ANK3: variants seen among roughly 807,000 people sequenced by gnomAD.
ANK3 encodes the protein ankyrin-3.
In ANK3, 57 loss-of-function variants were observed where a neutral mutation model predicts 370.9. That is an observed-to-expected ratio of 0.15 (90% CI 0.12 to 0.19). The LOEUF (loss-of-function observed/expected upper bound fraction) is 0.19. Ranked by LOEUF, ANK3 falls within the 10% of genes least tolerant of loss-of-function variation. The probability of loss-of-function intolerance (pLI) is 1.00; values close to 1 mark genes in which losing one functional copy is unlikely to be tolerated. For missense variants in ANK3, 4,439 were observed against 5,302.1 expected (o/e 0.84, Z 5.06); for synonymous variants, 1,929 against 1,946.3 (o/e 0.99, Z 0.23).
intron 42 of ANK3, among the ~76,000 whole-genome samples, chr10:60,052,019 G>A (rs2078142335): frequency 6.6e-6 from 1 of 151,804 alleles, no homozygotes; most frequent in African/African-American, 2.4e-5. Flanking sequence ...ATGAAATTTT[G>A]GTCAAATTTG....
rs376356885 is a variant in ANK3, at chr10:60,079,225, A to ACACACACC, written c.4432+1311_4432+1312insGGTGTGTG. Among the ~76,000 whole-genome samples, 461 of 142,652 alleles carry ACACACACC rather than the reference A, an allele frequency of 3.2e-3. 5 individuals carry two copies. The highest frequency in any genetic ancestry group is 9.3e-3 in the African/African-American group (348 of 37,560). 93.6% of individuals were successfully genotyped at this position (142,652 alleles called of 152,430 possible). A position where few individuals can be genotyped will look rare whatever the true frequency, so the allele number is the denominator to read the frequency against. On this transcript the variant is annotated intron_variant, in intron 36 of 43. Transcript: ENST00000280772. ...CACACACACACACACACACACACAC[A>ACACACACC]CCCCTCTTCTGCTCTGTAGCATAAT... is the stretch of plus-strand genomic sequence containing the variant.
intron 1 of ANK3, among the ~76,000 whole-genome samples, chr10:60,303,696 T>G (rs2044321643): frequency 6.6e-6 from 1 of 152,136 alleles, no homozygotes; most frequent in African/African-American, 2.4e-5. Flanking sequence ...AATGAAAAAT[T>G]AAAAACAGAA....
chr10:60,187,712 G>T (rs1306325584), intron 16 of ANK3, among the ~76,000 whole-genome samples: 1 of 152,094 alleles, frequency 6.6e-6, no homozygotes, highest in Non-Finnish European at 1.5e-5. Flanking sequence ...GTTCATGGAA[G>T]TTAAGACACT....
At chr10:60,207,771 T>A (rs2096787987) in intron 10 of ANK3, among the ~76,000 whole-genome samples, 1 of 152,214 alleles carries the variant, frequency 6.6e-6, no homozygotes, top group Non-Finnish European at 1.5e-5. Flanking sequence ...ACCTTAGTCT[T>A]TTTATAATTG....
intron 1 of ANK3, among the ~76,000 whole-genome samples, chr10:60,362,566 C>T (rs2132742762): frequency 6.6e-6 from 1 of 152,274 alleles, no homozygotes; most frequent in East Asian, 1.9e-4. Flanking sequence ...AAAAGCTCCC[C>T]ATAGGATCTT....
At chr10:60,270,806 A>C (rs1428598382) in intron 4 of ANK3, among the ~76,000 whole-genome samples, 1 of 152,206 alleles carries the variant, frequency 6.6e-6, no homozygotes, top group Non-Finnish European at 1.5e-5. Context: ...AAGAGCAAAA[A>C]AGAAATGCCG....
intron 1 of ANK3, among the ~76,000 whole-genome samples, chr10:60,625,526 T>A (rs74155626): frequency 0.012 from 1,777 of 152,312 alleles, 32 homozygotes; most frequent in African/African-American, 0.041. Flanking sequence ...ATTATGTGGC[T>A]ACAGATTATC....
chr10:60,472,870 C>T (rs2065252228), intron 2 of ANK3, among the ~76,000 whole-genome samples: 1 of 152,098 alleles, frequency 6.6e-6, no homozygotes, highest in Non-Finnish European at 1.5e-5. Context: ...TTTGTAAAAT[C>T]ATAGCATTCA....
rs369460695 is a variant in ANK3 at position 60,155,285 on chromosome 10, G to A, written c.2614+11306C>T. Reference sequence around the variant, plus strand: ...CTGGGAAAGAGAGAGCAAAATGAGTGTGCAACATTGCATTGGAGCTCAGCA... The same window carrying A: ...CTGGGAAAGAGAGAGCAAAATGAGTATGCAACATTGCATTGGAGCTCAGCA... On this transcript the variant is annotated intron_variant, in intron 23 of 43. Transcript: ENST00000280772. Among the ~76,000 whole-genome samples, 22 of 152,334 alleles carry A rather than the reference G, an allele frequency of 1.4e-4. No homozygotes were observed. The South Asian group carries it at 2.3e-3, about 16-fold the overall frequency.
intron 26 of ANK3, among the ~76,000 whole-genome samples, chr10:60,111,353 C>G (rs942687466): frequency 6.6e-6 from 1 of 152,120 alleles, no homozygotes; most frequent in African/African-American, 2.4e-5. Flanking sequence ...AGGTTCTCAA[C>G]TTCATAGAGT....
At chr10:60,156,197 T>C (rs2393614) in intron 23 of ANK3, among the ~76,000 whole-genome samples, 113,843 of 152,034 alleles carry the variant, frequency 0.75, 43,295 homozygotes, top group African/African-American at 0.87. Flanking sequence ...GGGACTCTTT[T>C]CACTTGGAGA....
chr10:60,134,799 A>G (rs114158343), intron 24 of ANK3, among the ~76,000 whole-genome samples: 64 of 152,340 alleles, frequency 4.2e-4, no homozygotes, highest in African/African-American at 1.4e-3. Context: ...GGGTCTGTTT[A>G]TAAGTCTTTG....
At position 60,273,734 on chromosome 10, in the gene ANK3, T is replaced by C. The variant is rs191079363; in HGVS notation, c.415-3505A>G. ...GGGCCAGGTGGAGATAATTGAATCA[T>C]GGGGGGGGTTTCCCCCACACTGTTC... On this transcript the variant is annotated intron_variant, in intron 4 of 43. Coordinates refer to ENST00000280772, the MANE Select transcript of ANK3 (RefSeq NM_020987.5). 3.2e-3 allele frequency among the ~76,000 whole-genome samples: 481 copies of C among 151,992 alleles called. 3 individuals are homozygous for C. The highest frequency in any genetic ancestry group is 2.5e-3 in the Non-Finnish European group (169 of 67,950).
intron 1 of ANK3, among the ~76,000 whole-genome samples, chr10:60,706,763 TTAC>T (rs1201526910): frequency 1.3e-5 from 2 of 152,212 alleles, no homozygotes; most frequent in Non-Finnish European, 2.9e-5. Flanking sequence ...ATGGCCACAA[TTAC>T]TACTATTATT....
At chr10:60,532,595 A>G (rs2076631304) in intron 2 of ANK3, among the ~76,000 whole-genome samples, 1 of 151,890 alleles carries the variant, frequency 6.6e-6, no homozygotes, top group African/African-American at 2.4e-5. Context: ...TAAAACACAG[A>G]TTGCGCTCTC....
At chr10:60,661,830 C>T (rs1432490764) in intron 1 of ANK3, among the ~76,000 whole-genome samples, 1 of 152,138 alleles carries the variant, frequency 6.6e-6, no homozygotes, top group Non-Finnish European at 1.5e-5. Context: ...TCATCTGGCT[C>T]CGTTGGGCTA....
intron 4 of ANK3, 27 bp from the exon 5 acceptor site, chr10:60,270,256 T>C (rs1342072007): frequency 6.6e-7 from 1 of 1,506,330 alleles, no homozygotes; most frequent in Admixed American, 1.9e-5. Context: ...AAAATGTTTG[T>C]CTGCAGCTTT....
At chr10:60,191,385 G>GA (rs111768554) in intron 16 of ANK3, among the ~76,000 whole-genome samples, 78 of 147,542 alleles carry the variant, frequency 5.3e-4, no homozygotes, top group African/African-American at 1.8e-3. Flanking sequence ...AACTCAACAA[G>GA]AAAAAAAAAA....
At chr10:60,404,504 G>A (rs2063414080) in intron 2 of ANK3, among the ~76,000 whole-genome samples, 1 of 152,072 alleles carries the variant, frequency 6.6e-6, no homozygotes, top group South Asian at 2.1e-4. Flanking sequence ...AAAAAATCAT[G>A]TAAAACAACA....
Sources: allele counts gnomAD v4.1 joint callset (sites outside exome capture counted in the v4.1 genomes callset), GRCh38; gene constraint gnomAD v4.1.1; transcripts MANE v1.5; gene names NCBI Gene and HGNC (gene_info 2026-07-23, HGNC 2026-07-21).